AUH: variants seen among roughly 807,000 people sequenced by gnomAD.
The protein encoded by AUH is methylglutaconyl-CoA hydratase, mitochondrial.
In AUH, 29 loss-of-function variants were observed where a neutral mutation model predicts 42.3. The ratio of observed to expected loss-of-function variants is 0.69; its 90% CI spans 0.51 to 0.93. The LOEUF is 0.93. AUH is among the 40% of genes least tolerant of loss of function. AUH has a pLI of 0.00. For missense variants in AUH, 452 were observed against 438.1 expected (o/e 1.03, Z -0.28); for synonymous variants, 174 against 166.4 (o/e 1.05, Z -0.35).
intron 6 of AUH, among the ~76,000 whole-genome samples, chr9:91,273,625 T>C (rs977032274): frequency 4.6e-5 from 7 of 152,222 alleles, no homozygotes; most frequent in African/African-American, 1.4e-4. Flanking sequence ...AGGTACCAAA[T>C]TGAAGTATTT....
intron 6 of AUH, among the ~76,000 whole-genome samples, chr9:91,234,768 A>C (rs1828081822): frequency 6.6e-6 from 1 of 150,754 alleles, no homozygotes; most frequent in Non-Finnish European, 1.5e-5. Context: ...AAATGGCAAG[A>C]AGCAATGGGC....
chr9:91,288,752 C>T (rs1053123274), intron 6 of AUH, among the ~76,000 whole-genome samples: 14 of 152,154 alleles, frequency 9.2e-5, no homozygotes, highest in Middle Eastern at 3.4e-3. Flanking sequence ...TTTTATTGCA[C>T]TATATACTTT....
At chr9:91,328,453 T>C (rs953853153) in intron 3 of AUH, among the ~76,000 whole-genome samples, 4 of 152,180 alleles carry the variant, frequency 2.6e-5, no homozygotes, top group African/African-American at 9.7e-5. Context: ...GAAACTATGG[T>C]AAGCCTCTGC....
chr9:91,223,360 A>C (rs532033089), intron 6 of AUH, among the ~76,000 whole-genome samples: 1 of 152,310 alleles, frequency 6.6e-6, no homozygotes, highest in African/African-American at 2.4e-5. Flanking sequence ...ACTTAGCGTA[A>C]TGTCCTCAAG....
rs760709412 is a variant in AUH at position 91,355,875 on chromosome 9, T to A, written c.418+8A>T. Reference sequence around the variant, plus strand: ...AGTTTAATTTCATAATACAACATATTTACATACCAGCACAGAATATCCCTG... The same window carrying A: ...AGTTTAATTTCATAATACAACATATATACATACCAGCACAGAATATCCCTG... On this transcript the variant is annotated splice_region_variant and intron_variant, in intron 3 of 9. Coordinates refer to ENST00000375731, the MANE Select transcript of AUH (RefSeq NM_001698.3). 10 of 1,597,226 alleles carry A rather than the reference T, an allele frequency of 6.3e-6. No individual in the cohort carries two copies. The South Asian group carries it at 1.1e-4, about 18-fold the overall frequency.
intron 1 of AUH, among the ~76,000 whole-genome samples, chr9:91,361,048 A>G (rs1832810245): frequency 6.6e-6 from 1 of 152,198 alleles, no homozygotes; most frequent in Non-Finnish European, 1.5e-5. Context: ...CAAGATCCAT[A>G]CCATCCACAT....
intron 3 of AUH, among the ~76,000 whole-genome samples, chr9:91,337,185 T>TG (rs1830757183): frequency 6.6e-6 from 1 of 152,212 alleles, no homozygotes; most frequent in South Asian, 2.1e-4. Flanking sequence ...CAACAGTACC[T>TG]GACACATGGC....
chr9:91,299,877 G>A (rs951620011), intron 4 of AUH, among the ~76,000 whole-genome samples: 12 of 152,074 alleles, frequency 7.9e-5, no homozygotes, highest in South Asian at 2.1e-4. Context: ...AGTCTCACCC[G>A]TCAGAAGCCT....
At chr9:91,313,856 CTT>C (rs1828926102) in intron 4 of AUH, among the ~76,000 whole-genome samples, 1 of 137,426 alleles carries the variant, frequency 7.3e-6, no homozygotes, top group South Asian at 2.3e-4. Context: ...GAGTTTCACT[CTT>C]GTCGCCCAGG....
In AUH at chr9:91,219,081, G is replaced by A. The variant is rs560961223; in HGVS notation, c.843+1724C>T. ...GTAACCACACAATGGGATGCGGCTC[G>A]ACACACTGGCAGTGGAAGGAGGGAG... On this transcript the variant is annotated intron_variant, in intron 7 of 9. Transcript: ENST00000375731. 107 of 962,608 alleles carry A rather than the reference G, an allele frequency of 1.1e-4. 1 individual carries two copies. Among genetic ancestry groups the A allele is most frequent in the Middle Eastern group, 5.3e-4 (1 of 1,876 alleles). 59.6% of individuals were successfully genotyped at this position (962,608 alleles called of 1,614,324 possible).
At chr9:91,235,420 T>G (rs1322186884) in intron 6 of AUH, among the ~76,000 whole-genome samples, 1 of 152,166 alleles carries the variant, frequency 6.6e-6, no homozygotes, top group East Asian at 1.9e-4. Flanking sequence ...GAGTGTCCGA[T>G]ATTATGAACA....
chr9:91,278,152 T>C (rs1825690435), intron 6 of AUH, among the ~76,000 whole-genome samples: 1 of 151,994 alleles, frequency 6.6e-6, no homozygotes, highest in African/African-American at 2.4e-5. Context: ...TGAAGTAAGA[T>C]CACACAATAG....
intron 3 of AUH, among the ~76,000 whole-genome samples, chr9:91,341,127 G>A (rs559439084): frequency 1.7e-4 from 26 of 152,188 alleles, no homozygotes; most frequent in Non-Finnish European, 2.8e-4. Flanking sequence ...GCTGACCAAA[G>A]TTCTAGAGCT....
At position 91,361,830 on chromosome 9, in the gene AUH, G is replaced by C. The variant is rs1347302515; in HGVS notation, c.60C>G (p.Ala20=). 2 of 1,503,080 alleles carry C rather than the reference G, an allele frequency of 1.3e-6. No homozygotes were observed. The highest frequency in any genetic ancestry group is 1.8e-6 in the Non-Finnish European group (2 of 1,131,644). The allele number at this position is 1,503,080 out of a possible 1,614,324, so 93.1% of individuals were successfully genotyped here. Reference sequence around the variant, plus strand: ...ACGCACTGCAAGCGGCCACCAGGCGGGCGCCGCCAGCATGCAGGGATCCCA... The same window carrying C: ...ACGCACTGCAAGCGGCCACCAGGCGCGCGCCGCCAGCATGCAGGGATCCCA... ...GALGSLHAGG[A]RLVAACSAWL... Residue 20 remains alanine, a synonymous_variant, in exon 1 of 10, where the codon GCC becomes GCG. Coordinates refer to ENST00000375731, the MANE Select transcript of AUH (RefSeq NM_001698.3).
chr9:91,361,847 G>T lies in AUH; in HGVS notation c.43C>A (p.Leu15Met). 1 of 1,492,032 alleles carries T rather than the reference G, an allele frequency of 6.7e-7. No homozygotes were observed. Among genetic ancestry groups the T allele is most frequent in the Non-Finnish European group, 8.9e-7 (1 of 1,127,096 alleles). The allele number at this position is 1,492,032 out of a possible 1,614,324, so 92.4% of individuals were successfully genotyped here. Residue 15 changes from leucine (L) to methionine (M), a missense_variant, in exon 1 of 10, where the codon CTG becomes ATG. By Grantham distance (15) the Leu-to-Met change is conservative. Transcript: ENST00000375731. ...ACCAGGCGGGCGCCGCCAGCATGCAGGGATCCCAAGGCCCCAGGTGCCGCC... is the reference window on the plus strand; with the variant it reads ...ACCAGGCGGGCGCCGCCAGCATGCATGGATCCCAAGGCCCCAGGTGCCGCC... ...VAAAPGALGS[L>M]HAGGARLVAA...
chr9:91,232,810 C>T (rs866125399), intron 6 of AUH, among the ~76,000 whole-genome samples: 4 of 152,198 alleles, frequency 2.6e-5, no homozygotes, highest in Non-Finnish European at 4.4e-5. Flanking sequence ...TTCTAATAGG[C>T]TCCAACATTC....
intron 3 of AUH, among the ~76,000 whole-genome samples, chr9:91,344,132 G>C (rs1831307499): frequency 6.6e-6 from 1 of 152,324 alleles, no homozygotes; most frequent in Middle Eastern, 3.4e-3. Context: ...GGCCCTTTAA[G>C]TCTGACAAGA....
Position 91,346,860 on chromosome 9 carries a change from T to TAA in AUH, c.418+9021_418+9022dup, listed in dbSNP as rs79801569. 1.3e-3 allele frequency among the ~76,000 whole-genome samples: 164 copies of TAA among 130,458 alleles called. 2 individuals carry two copies. The highest frequency in any genetic ancestry group is 3.9e-3 in the African/African-American group (141 of 35,954). The allele number at this position is 130,458 out of a possible 152,430, so 85.6% of individuals were successfully genotyped here. On this transcript the variant is annotated intron_variant, in intron 3 of 9. Coordinates refer to ENST00000375731, the MANE Select transcript of AUH (RefSeq NM_001698.3). ...TAATTCACTAGAATGACTCAGAATTTAAAAAAAAAAAAAAAACACTTTATT... is the reference window on the plus strand; with the variant it reads ...TAATTCACTAGAATGACTCAGAATTTAAAAAAAAAAAAAAAAAACACTTTATT...
chr9:91,308,645 T>C (rs962742146), intron 4 of AUH, among the ~76,000 whole-genome samples: 3 of 152,330 alleles, frequency 2.0e-5, no homozygotes, highest in Admixed American at 2.0e-4. Flanking sequence ...TTCAATCTAA[T>C]AAGCTACATT....
Sources: gnomAD v4.1 joint callset for allele counts (sites outside exome capture counted in the v4.1 genomes callset) on GRCh38, gnomAD v4.1.1 for gene constraint, MANE v1.5 for transcripts, NCBI Gene and HGNC (gene_info 2026-07-23, HGNC 2026-07-21) for gene names.